SLC35D4: variants seen among roughly 807,000 people sequenced by gnomAD.
The protein encoded by SLC35D4 is solute carrier family 35 member D4.
the SLC35D4 span, among the ~76,000 whole-genome samples, chr18:23,434,120 T>C: frequency 5.9e-5 from 9 of 152,056 alleles, no homozygotes; most frequent in African/African-American, 2.2e-4. Context: ...GATGAAACAA[T>C]GGCCATAAAA....
At chr18:23,248,594 G>A in the SLC35D4 span, among the ~76,000 whole-genome samples, 7 of 148,318 alleles carry the variant, frequency 4.7e-5, no homozygotes, top group African/African-American at 7.5e-5. Flanking sequence ...TTGGGAGGCC[G>A]AGGCGGGTGG....
the SLC35D4 span, among the ~76,000 whole-genome samples, chr18:23,380,362 T>G: frequency 6.6e-6 from 1 of 152,156 alleles, no homozygotes; most frequent in African/African-American, 2.4e-5. Flanking sequence ...GCTGGCACCC[T>G]TAGCCACCAC....
the SLC35D4 span, chr18:23,356,747 G>A: frequency 7.6e-7 from 1 of 1,308,936 alleles, no homozygotes; most frequent in Non-Finnish European, 1.1e-6. The surrounding 1 kb of genome is among the most constrained non-coding windows in gnomAD (Gnocchi z 4.1). Context: ...ATGCAAGGAA[G>A]GCGTCTTTAG....
chr18:23,286,852 C>G, the SLC35D4 span, among the ~76,000 whole-genome samples: 1 of 151,522 alleles, frequency 6.6e-6, no homozygotes, highest in East Asian at 1.9e-4. Context: ...GCTTCCCTGA[C>G]TATTCCTGGA....
chr18:23,293,038 G>A, the SLC35D4 span, among the ~76,000 whole-genome samples: 4 of 152,104 alleles, frequency 2.6e-5, no homozygotes, highest in Admixed American at 6.5e-5. Context: ...TCAGGAGTTC[G>A]GGACCAGCCT....
the SLC35D4 span, among the ~76,000 whole-genome samples, chr18:23,335,712 C>T: frequency 6.6e-6 from 1 of 152,162 alleles, no homozygotes; most frequent in Non-Finnish European, 1.5e-5. Context: ...AGTGAGTACT[C>T]ACCCCACACT....
chr18:23,370,160 T>C, the SLC35D4 span: 9 of 1,495,446 alleles, frequency 6.0e-6, no homozygotes, highest in East Asian at 1.2e-4. Flanking sequence ...GATCACGCCA[T>C]TGCACTCCAA....
chr18:23,377,725 T>C, the SLC35D4 span: 1 of 1,448,004 alleles, frequency 6.9e-7, no homozygotes, highest in Non-Finnish European at 9.2e-7. Flanking sequence ...TTTAAATTCC[T>C]CTTAAAAGGA....
At chr18:23,369,022 G>C in the SLC35D4 span, among the ~76,000 whole-genome samples, 1 of 152,094 alleles carries the variant, frequency 6.6e-6, no homozygotes, top group African/African-American at 2.4e-5. Flanking sequence ...CTGGCTTTTG[G>C]GGCTACCATA....
At chr18:23,436,359 C>T in the SLC35D4 span, among the ~76,000 whole-genome samples, 1 of 152,130 alleles carries the variant, frequency 6.6e-6, no homozygotes, top group Non-Finnish European at 1.5e-5. Context: ...ACTCTTTGTC[C>T]CATCTTAAAG....
chr18:23,405,011 A>AG, the SLC35D4 span, among the ~76,000 whole-genome samples: 4 of 150,002 alleles, frequency 2.7e-5, no homozygotes, highest in Non-Finnish European at 5.9e-5. Flanking sequence ...AAAAAAAAAA[A>AG]AAAAAAAAAA....
At chr18:23,315,173 C>T in the SLC35D4 span, among the ~76,000 whole-genome samples, 2 of 152,210 alleles carry the variant, frequency 1.3e-5, no homozygotes, top group Non-Finnish European at 2.9e-5. Context: ...CCTGCTTCTT[C>T]AGCCCAGTTA....
the SLC35D4 span, among the ~76,000 whole-genome samples, chr18:23,421,674 CTTTTTTT>C: frequency 5.1e-5 from 7 of 136,420 alleles, no homozygotes; most frequent in Non-Finnish European, 1.1e-4. Flanking sequence ...TTCTTCTCCT[CTTTTTTT>C]TTTTTTTTTT....
At chr18:23,284,493 G>A in the SLC35D4 span, among the ~76,000 whole-genome samples, 1 of 152,144 alleles carries the variant, frequency 6.6e-6, no homozygotes, top group African/African-American at 2.4e-5. Flanking sequence ...GTAAGTCCCT[G>A]CTCCGAGTTG....
the SLC35D4 span, among the ~76,000 whole-genome samples, chr18:23,362,754 T>A: frequency 6.6e-6 from 1 of 152,212 alleles, no homozygotes; most frequent in Non-Finnish European, 1.5e-5. Flanking sequence ...CTCTGCATCA[T>A]CTTGGTCACA....
chr18:23,259,198 C>G, the SLC35D4 span: 14 of 152,254 alleles, frequency 9.2e-5, no homozygotes, highest in African/African-American at 3.4e-4. Context: ...GATAAGCCAT[C>G]CACCTTCCTG....
the SLC35D4 span, among the ~76,000 whole-genome samples, chr18:23,414,904 G>A: frequency 1.3e-5 from 2 of 152,150 alleles, no homozygotes; most frequent in East Asian, 1.9e-4. Context: ...CTTGAGGCCA[G>A]GAGTTTGAGA....
the SLC35D4 span, among the ~76,000 whole-genome samples, chr18:23,392,843 T>G: frequency 4.0e-3 from 612 of 152,304 alleles, 1 homozygote; most frequent in Non-Finnish European, 6.4e-3. Flanking sequence ...GTGAGACAAG[T>G]AAGAACACAT....
the SLC35D4 span, among the ~76,000 whole-genome samples, chr18:23,254,093 T>A: frequency 6.6e-6 from 1 of 152,212 alleles, no homozygotes; most frequent in Non-Finnish European, 1.5e-5. Flanking sequence ...GTGGGAATAG[T>A]CAGGCTATCT....
Sources: allele counts gnomAD v4.1 joint callset (sites outside exome capture counted in the v4.1 genomes callset), GRCh38; gene constraint gnomAD v4.1.1; non-coding constraint Gnocchi (gnomAD v3.1); transcripts MANE v1.5; gene names NCBI Gene and HGNC (gene_info 2026-07-23, HGNC 2026-07-21).